SFT2D2: variants seen among roughly 807,000 people sequenced by gnomAD.
The protein encoded by SFT2D2 is SFT2 domain containing 2, also known as vesicle transport protein SFT2B.
A neutral mutation model predicts 27.4 loss-of-function variants in SFT2D2; 21 were observed. The ratio of observed to expected loss-of-function variants is 0.77; its 90% confidence interval spans 0.54 to 1.10. The LOEUF (loss-of-function observed/expected upper bound fraction) is 1.10, where lower values mean the gene tolerates loss of function less well. SFT2D2 is among the 50% of genes least tolerant of loss of function. The pLI is 0.00. For synonymous variants in SFT2D2, 72 were observed against 71.7 expected (o/e 1.00, Z -0.02); for missense variants, 187 against 194.2 (o/e 0.96, Z 0.22).
At chr1:168,233,089 C>T (rs1288480236) in intron 3 of SFT2D2, among the ~76,000 whole-genome samples, 1 of 152,206 alleles carries the variant, frequency 6.6e-6, no homozygotes, top group African/African-American at 2.4e-5. Flanking sequence ...CGCATACAGT[C>T]AAGCGTCTTT....
intron 3 of SFT2D2, 126 bp from the exon 4 acceptor site, chr1:168,234,975 G>A (rs769396761): frequency 2.5e-5 from 21 of 846,198 alleles, no homozygotes; most frequent in Middle Eastern, 5.0e-4. Flanking sequence ...AGGCCCTTCA[G>A]CACAGTCAGA....
chr1:168,227,154 C>T (rs967698214), intron 1 of SFT2D2, among the ~76,000 whole-genome samples: 1 of 152,152 alleles, frequency 6.6e-6, no homozygotes, highest in Non-Finnish European at 1.5e-5. Flanking sequence ...GAAACCTGGC[C>T]ACTAATGTCC....
Position 168,238,128 on chromosome 1 carries a change from T to C in SFT2D2, c.414-1003T>C, listed in dbSNP as rs542780000. On this transcript the variant is annotated intron_variant, in intron 6 of 7. Coordinates refer to ENST00000271375, the MANE Select transcript of SFT2D2 (RefSeq NM_199344.3). ...CACACAGTGCCTGGTTCTTTAGCAT[T>C]ATGGAGCCTGTTCCTTGTATATGGT... Among the ~76,000 whole-genome samples the C allele has an allele frequency of 1.0e-3, 159 of 152,242 alleles. 1 individual carries two copies. Among genetic ancestry groups the C allele is most frequent in the Middle Eastern group, 3.4e-3 (1 of 294 alleles).
At position 168,251,137 on chromosome 1, in the gene SFT2D2, C is replaced by T. The variant is rs975725282; in HGVS notation, c.*8597C>T. The T allele has an allele frequency of 7.2e-5, 11 of 152,106 alleles. No individual in the cohort carries two copies. Among genetic ancestry groups the T allele is most frequent in the African/African-American group, 2.4e-4 (10 of 41,396 alleles). The allele number at this position is 152,106 out of a possible 1,614,324, so 9.4% of individuals were successfully genotyped here. ...TGGCCAACATGGCAAAACCCCATCT[C>T]TACAAAAAATACAACAGCAAAAAAA... is the stretch of plus-strand genomic sequence containing the variant. On this transcript the variant is annotated 3_prime_UTR_variant, in exon 8 of 8. Transcript: ENST00000271375.
intron 7 of SFT2D2, among the ~76,000 whole-genome samples, chr1:168,241,732 G>T (rs1647647309): frequency 6.6e-6 from 1 of 152,136 alleles, no homozygotes; most frequent in South Asian, 2.1e-4. Flanking sequence ...AGACTCTTCT[G>T]AGACTACAGT....
At position 168,250,020 on chromosome 1, in the gene SFT2D2, C is replaced by T. The variant is rs1386004810; in HGVS notation, c.*7480C>T. On this transcript the variant is annotated 3_prime_UTR_variant, in exon 8 of 8. Transcript: ENST00000271375. ...ACTGCCCAGTGAATGGTATTGCCTC[C>T]ATCCTCTGAGAAGGTAAAGAGCCTA... The T allele has an allele frequency of 6.6e-6, 1 of 152,180 alleles. No individual in the cohort carries two copies. Among genetic ancestry groups the T allele is most frequent in the Non-Finnish European group, 1.5e-5 (1 of 68,040 alleles). The allele number at this position is 152,180 out of a possible 1,614,324, so 9.4% of individuals were successfully genotyped here. A position where few individuals can be genotyped will look rare whatever the true frequency, so the allele number is the denominator to read the frequency against.
chr1:168,250,169 G>C lies in SFT2D2; in HGVS notation c.*7629G>C, dbSNP rs951377707. The C allele has an allele frequency of 6.6e-6, 1 of 152,150 alleles. No individual in the cohort carries two copies. Among genetic ancestry groups the C allele is most frequent in the African/African-American group, 2.4e-5 (1 of 41,442 alleles). The allele number at this position is 152,150 out of a possible 1,614,324, so 9.4% of individuals were successfully genotyped here. A position where few individuals can be genotyped will look rare whatever the true frequency, so the allele number is the denominator to read the frequency against. ...CAGTTTGCTCAGACAGCTCCCATCA[G>C]GACACCATTGGCAGCTTTTGCATGA... On this transcript the variant is annotated 3_prime_UTR_variant, in exon 8 of 8. Transcript: ENST00000271375.
chr1:168,241,139 T>G (rs1647633193), intron 7 of SFT2D2, among the ~76,000 whole-genome samples: 1 of 151,836 alleles, frequency 6.6e-6, no homozygotes, highest in African/African-American at 2.4e-5. Flanking sequence ...GAGTTTCATG[T>G]GCTGAGGAGA....
intron 6 of SFT2D2, among the ~76,000 whole-genome samples, chr1:168,238,613 T>A (rs1647566068): frequency 6.6e-6 from 1 of 152,048 alleles, no homozygotes; most frequent in African/African-American, 2.4e-5. Flanking sequence ...CTTCCTAGAC[T>A]TGAGCCTAGA....
At chr1:168,233,862 ATATGC>A (rs1172668256) in intron 3 of SFT2D2, among the ~76,000 whole-genome samples, 2 of 152,118 alleles carry the variant, frequency 1.3e-5, no homozygotes, top group Non-Finnish European at 2.9e-5. Flanking sequence ...GGTTTTGTGT[ATATGC>A]TATGTTTAAT....
chr1:168,238,425 G>A (rs901128094), intron 6 of SFT2D2, among the ~76,000 whole-genome samples: 1 of 152,058 alleles, frequency 6.6e-6, no homozygotes, highest in Non-Finnish European at 1.5e-5. Context: ...GGAGGCTGAG[G>A]TGGGAGGATT....
chr1:168,226,048 G>GAGGAGC lies in SFT2D2; in HGVS notation c.-31_-26dup. The GAGGAGC allele has an allele frequency of 6.7e-7, 1 of 1,496,158 alleles. No homozygotes were observed. The highest frequency in any genetic ancestry group is 8.9e-7 in the Non-Finnish European group (1 of 1,118,942). 92.7% of individuals were successfully genotyped at this position (1,496,158 alleles called of 1,614,324 possible). The stretch of plus-strand genomic sequence containing the variant: ...TTAGCGAGCGCAACAGGCTGCCGCT[G>GAGGAGC]AGGAGCTGGAGCTGGTGGGGACTGG... On this transcript the variant is annotated 5_prime_UTR_variant, in exon 1 of 8. Transcript: ENST00000271375.
intron 1 of SFT2D2, among the ~76,000 whole-genome samples, chr1:168,231,222 G>A (rs116550685): frequency 5.9e-4 from 90 of 152,306 alleles, no homozygotes; most frequent in Non-Finnish European, 1.1e-3. Context: ...AGGATTGGCT[G>A]TCTTGCCTTC....
At chr1:168,230,203 A>T (rs1172729147) in intron 1 of SFT2D2, among the ~76,000 whole-genome samples, 1 of 152,164 alleles carries the variant, frequency 6.6e-6, no homozygotes. Flanking sequence ...GGGGTAGTCA[A>T]GGCTGACGGA....
rs913330799 is a variant in SFT2D2, at chr1:168,247,085, A to T, written c.*4545A>T. On this transcript the variant is annotated 3_prime_UTR_variant, in exon 8 of 8. Transcript: ENST00000271375. ...TTCTGTGATATTTCTTTTTTTTCAG[A>T]TAGTCTCTTTTGTAGTACACTAGTC... 7.7e-6 allele frequency: 3 copies of T among 388,352 alleles called. No individual in the cohort carries two copies. Among genetic ancestry groups the T allele is most frequent in the African/African-American group, 6.4e-5 (3 of 46,852 alleles). The allele number at this position is 388,352 out of a possible 1,614,324, so 24.1% of individuals were successfully genotyped here. A position where few individuals can be genotyped will look rare whatever the true frequency, so the allele number is the denominator to read the frequency against.
intron 4 of SFT2D2, among the ~76,000 whole-genome samples, chr1:168,235,490 A>T (rs1375903642): frequency 6.6e-6 from 1 of 152,194 alleles, no homozygotes; most frequent in East Asian, 1.9e-4. Flanking sequence ...CTTCCTGGTG[A>T]CTGTGGAAGC....
intron 1 of SFT2D2, among the ~76,000 whole-genome samples, chr1:168,226,577 C>T (rs1164652174): frequency 6.6e-6 from 1 of 151,510 alleles, no homozygotes; most frequent in African/African-American, 2.4e-5. Flanking sequence ...CCCTACCTCG[C>T]GACGGGGCTG....
At position 168,245,614 on chromosome 1, in the gene SFT2D2, A is replaced by G. The variant is rs373100752; in HGVS notation, c.*3074A>G. The G allele has an allele frequency of 1.7e-4, 24 of 144,482 alleles. No homozygotes were observed. The highest frequency in any genetic ancestry group is 5.9e-4 in the African/African-American group (23 of 38,760). The allele number at this position is 144,482 out of a possible 1,614,324, so 9.0% of individuals were successfully genotyped here. ...ATTAAAAACTGGTTTTAAGATTCAC[A>G]TGGCATGCAGATGATCTAGAAGATC... On this transcript the variant is annotated 3_prime_UTR_variant, in exon 8 of 8. Transcript: ENST00000271375.
Position 168,250,590 on chromosome 1 carries a change from T to A in SFT2D2, c.*8050T>A, listed in dbSNP as rs1025280976. The A allele has an allele frequency of 3.3e-5, 5 of 152,708 alleles. No homozygotes were observed. The highest frequency in any genetic ancestry group is 9.6e-5 in the African/African-American group (4 of 41,462). The allele number at this position is 152,708 out of a possible 1,614,324, so 9.5% of individuals were successfully genotyped here. A position where few individuals can be genotyped will look rare whatever the true frequency, so the allele number is the denominator to read the frequency against. On this transcript the variant is annotated 3_prime_UTR_variant, in exon 8 of 8. Coordinates refer to ENST00000271375, the MANE Select transcript of SFT2D2 (RefSeq NM_199344.3). ...GGCTGTTGGCTCTCTGAGTGCTGTC[T>A]TGGGAGGAGCACTGCCCTTCAGAAC...
Sources: gnomAD v4.1 joint callset for allele counts (sites outside exome capture counted in the v4.1 genomes callset) on GRCh38, gnomAD v4.1.1 for gene constraint, MANE v1.5 for transcripts, NCBI Gene and HGNC (gene_info 2026-07-23, HGNC 2026-07-21) for gene names.